The following PUDP variants were observed in gnomAD, a reference collection of about 807,000 sequenced individuals.
The protein encoded by PUDP is pseudouridine-5'-phosphatase.
Under a neutral mutation model 9.4 loss-of-function variants are expected in PUDP, and 8 were observed. The ratio of observed to expected loss-of-function variants is 0.85; its 90% CI spans 0.50 to 1.53. The LOEUF (loss-of-function observed/expected upper bound fraction) is 1.53. PUDP is among the 40% of genes most tolerant of loss of function. The probability of loss-of-function intolerance (pLI) is 0.00; values close to 1 mark genes in which losing one functional copy is unlikely to be tolerated. For missense variants in PUDP, 188 were observed against 189.7 expected, an observed-to-expected ratio of 0.99 and a Z score of 0.05; for synonymous variants, 99 against 80.7, an observed-to-expected ratio of 1.23 and a Z score of -1.22.
chrX:6,936,714 A>T (rs1399606378), intron 3 of PUDP, among the ~76,000 whole-genome samples: 1 of 68,497 alleles, frequency 1.5e-5, no homozygotes, highest in Non-Finnish European at 2.7e-5. Context: ...TGCAGACGAC[A>T]TGATTGTATA....
intron 1 of PUDP, among the ~76,000 whole-genome samples, chrX:7,027,390 C>A (rs1929726407): frequency 9.1e-6 from 1 of 110,239 alleles, no homozygotes; most frequent in Non-Finnish European, 1.9e-5. Flanking sequence ...TCTAATATTT[C>A]TCTGATTTTT....
chrX:6,723,672 AAAAACAAAACAAAACAAAAC>A (rs760206977), upstream of PUDP, among the ~76,000 whole-genome samples: 2 of 99,792 alleles, frequency 2.0e-5, no homozygotes, highest in African/African-American at 7.6e-5. Flanking sequence ...ACCCCACCAA[AAAAACAAAACAAAACAAAAC>A]AAAACAAAAC....
At chrX:6,942,808 AG>A (rs1227898170) in intron 3 of PUDP, among the ~76,000 whole-genome samples, 1 of 111,833 alleles carries the variant, frequency 8.9e-6, no homozygotes, top group Non-Finnish European at 1.9e-5. Flanking sequence ...AGATGGGGGC[AG>A]ATATTGGCGT....
chrX:7,117,705 A>G (rs1932234524), intron 1 of PUDP, among the ~76,000 whole-genome samples: 1 of 113,342 alleles, frequency 8.8e-6, no homozygotes, highest in Admixed American at 9.3e-5. Flanking sequence ...CACTTGCCAG[A>G]GAAATTTGCA....
At chrX:6,953,899 A>T (rs1031158254) in intron 3 of PUDP, among the ~76,000 whole-genome samples, 9 of 110,333 alleles carry the variant, frequency 8.2e-5, no homozygotes, top group African/African-American at 3.0e-4. Flanking sequence ...CATGGGAGGG[A>T]CCTGGTGGGA....
At chrX:7,002,612 AC>A (rs1266925163) in intron 1 of PUDP, among the ~76,000 whole-genome samples, 4 of 111,258 alleles carry the variant, frequency 3.6e-5, no homozygotes, top group Admixed American at 9.5e-5. Flanking sequence ...CAGTTGGAAG[AC>A]ATGGAGAAGG....
chrX:6,878,112 C>T (rs963630973), intron 3 of PUDP, among the ~76,000 whole-genome samples: 4 of 112,433 alleles, frequency 3.6e-5, no homozygotes, highest in Non-Finnish European at 5.6e-5. Flanking sequence ...ACCTCCTCCA[C>T]ACTCTTATAA....
chrX:6,958,287 C>A (rs983142596), intron 3 of PUDP, among the ~76,000 whole-genome samples: 4 of 111,757 alleles, frequency 3.6e-5, no homozygotes, highest in African/African-American at 1.3e-4. Flanking sequence ...AAGGTAAAAA[C>A]ACCTTCAAAG....
intron 3 of PUDP, among the ~76,000 whole-genome samples, chrX:6,974,943 A>G (rs142181484): frequency 0.01 from 1,140 of 108,843 alleles, 11 homozygotes; most frequent in Non-Finnish European, 0.013. Context: ...TTGTCTTCAC[A>G]CTTTATTTCA....
At chrX:6,773,476 A>T (rs1351128357) in intron 3 of PUDP, among the ~76,000 whole-genome samples, 1 of 111,775 alleles carries the variant, frequency 8.9e-6, no homozygotes, top group Non-Finnish European at 1.9e-5. Context: ...AGATCACTAG[A>T]GTCCGTCAGG....
rs1472347206 is a variant in PUDP, at chrX:6,971,636, G to A, written c.*247+5497C>T. ...AGACGGGGTTTCACCTTGTTAGCCC[G>A]GATAGTCTTGATCTCCTGACTTCGT... On this transcript the variant is annotated intron_variant and NMD_transcript_variant, in intron 3 of 3. Transcript: ENST00000655425. Among the ~76,000 whole-genome samples, 11 of 107,210 alleles carry A rather than the reference G, an allele frequency of 1.0e-4. No homozygotes were observed. In the South Asian group the frequency reaches 2.9e-3, roughly 29 times the overall value. 93.1% of individuals were successfully genotyped at this position (107,210 alleles called of 115,157 possible). A position where few individuals can be genotyped will look rare whatever the true frequency, so the allele number is the denominator to read the frequency against.
intron 3 of PUDP, among the ~76,000 whole-genome samples, chrX:6,938,560 C>G (rs1288395142): frequency 1.0e-5 from 1 of 96,738 alleles, no homozygotes; most frequent in Non-Finnish European, 2.1e-5. Flanking sequence ...GTGCAGCACA[C>G]CAGCATGGCA....
At chrX:7,029,899 G>C (rs924333444) in intron 1 of PUDP, among the ~76,000 whole-genome samples, 12 of 110,902 alleles carry the variant, frequency 1.1e-4, no homozygotes, top group Non-Finnish European at 1.9e-4. Context: ...GTTTCAGAAA[G>C]GTTCACATTT....
chrX:6,796,647 A>G (rs777469959), intron 3 of PUDP, among the ~76,000 whole-genome samples: 1 of 112,237 alleles, frequency 8.9e-6, no homozygotes, highest in Non-Finnish European at 1.9e-5. Flanking sequence ...TTATATACTC[A>G]TGTGTGTGTA....
At chrX:6,881,850 A>G (rs12688222) in intron 3 of PUDP, among the ~76,000 whole-genome samples, 12,497 of 111,075 alleles carry the variant, frequency 0.11, 765 homozygotes, top group East Asian at 0.46. Flanking sequence ...GAAAGACAAC[A>G]ACTCTCCAAT....
At chrX:6,751,889 G>A (rs1370582502) in intron 3 of PUDP, among the ~76,000 whole-genome samples, 3 of 111,013 alleles carry the variant, frequency 2.7e-5, no homozygotes, top group Non-Finnish European at 5.7e-5. Context: ...AGAATTATGA[G>A]GCAGCATCAC....
intron 1 of PUDP, among the ~76,000 whole-genome samples, chrX:7,013,529 C>T (rs1033425347): frequency 2.3e-4 from 26 of 112,239 alleles, no homozygotes; most frequent in Admixed American, 2.1e-3. Flanking sequence ...TGAGTGTCTC[C>T]GGTGAGCTAA....
At chrX:6,934,933 C>G (rs1474230723) in intron 3 of PUDP, among the ~76,000 whole-genome samples, 2 of 81,580 alleles carry the variant, frequency 2.5e-5, no homozygotes, top group Admixed American at 1.5e-4. Context: ...GAAGAGCTAA[C>G]TATCCTAAAT....
At chrX:6,796,644 C>T (rs1462841775) in intron 3 of PUDP, among the ~76,000 whole-genome samples, 1 of 111,756 alleles carries the variant, frequency 8.9e-6, no homozygotes, top group Non-Finnish European at 1.9e-5. Context: ...AGATTATATA[C>T]TCATGTGTGT....
Sources: allele counts gnomAD v4.1 joint callset (sites outside exome capture counted in the v4.1 genomes callset), GRCh38; gene constraint gnomAD v4.1.1; transcripts MANE v1.5; gene names NCBI Gene and HGNC (gene_info 2026-07-23, HGNC 2026-07-21).